Variants in PLEKHM2 observed in about 807,000 individuals in gnomAD.
PLEKHM2 encodes the protein pleckstrin homology and RUN domain containing M2.
A neutral mutation model predicts 116.3 loss-of-function variants in PLEKHM2; 77 were observed. That is an observed-to-expected ratio of 0.66 (90% CI 0.55 to 0.80). The LOEUF (loss-of-function observed/expected upper bound fraction) is 0.80, where lower values mean the gene tolerates loss of function less well. Ranked by LOEUF, PLEKHM2 falls within the 30% of genes least tolerant of loss-of-function variation. PLEKHM2 has a pLI of 0.00. For missense variants in PLEKHM2, 1,183 were observed against 1,354.9 expected (o/e 0.87, Z 1.99); for synonymous variants, 562 against 571.0 (o/e 0.98, Z 0.22).
Position 15,729,691 on chromosome 1 carries a change from CCCAA to C in PLEKHM2, c.2076-105_2076-102del. 9.7e-7 allele frequency: 1 copy of C among 1,026,344 alleles called. No individual in the cohort carries two copies. Among genetic ancestry groups the C allele is most frequent in the Non-Finnish European group, 1.4e-6 (1 of 699,612 alleles). The allele number at this position is 1,026,344 out of a possible 1,614,324, so 63.6% of individuals were successfully genotyped here. A position where few individuals can be genotyped will look rare whatever the true frequency, so the allele number is the denominator to read the frequency against. ...TCACTGGGTCTAGCCAGGTCTCTCC[CCCAA>C]GTTTCTGTGACCCCTCCAGGCCAGC... On this transcript the variant is annotated intron_variant, in intron 13 of 19. Coordinates refer to ENST00000375799, the MANE Select transcript of PLEKHM2 (RefSeq NM_015164.4). The surrounding 1 kb of genome is among the most constrained non-coding windows in gnomAD (Gnocchi z 4.7).
chr1:15,707,238 A>G (rs934725528), intron 1 of PLEKHM2, among the ~76,000 whole-genome samples: 1 of 151,052 alleles, frequency 6.6e-6, no homozygotes, highest in African/African-American at 2.5e-5. Context: ...CCTAGACAAC[A>G]TAGCAAAACT....
chr1:15,714,993 G>A (rs1181015419), intron 1 of PLEKHM2, among the ~76,000 whole-genome samples: 1 of 152,212 alleles, frequency 6.6e-6, no homozygotes, highest in East Asian at 1.9e-4. Flanking sequence ...TCACCAGCCT[G>A]GTGGGGTTTG....
intron 1 of PLEKHM2, among the ~76,000 whole-genome samples, chr1:15,698,500 C>G (rs913686706): frequency 1.3e-4 from 20 of 151,174 alleles, no homozygotes; most frequent in African/African-American, 4.6e-4. Context: ...CCACCACTCC[C>G]AGCCAACAGC....
intron 5 of PLEKHM2, 41 bp downstream of exon 5, chr1:15,718,666 A>AGGGGGCAGGGT (rs1553160070): frequency 2.3e-5 from 3 of 130,478 alleles, no homozygotes; most frequent in Admixed American, 3.1e-4. Context: ...GAAGCAGAGG[A>AGGGGGCAGGGT]GGGGGCAGGG....
chr1:15,729,760 C>A lies in PLEKHM2; in HGVS notation c.2076-37C>A. The A allele has an allele frequency of 6.3e-7, 1 of 1,581,814 alleles. No homozygotes were observed. Among genetic ancestry groups the A allele is most frequent in the South Asian group, 1.2e-5 (1 of 86,540 alleles). On this transcript the variant is annotated intron_variant, in intron 13 of 19. Transcript: ENST00000375799. The surrounding 1 kb of genome is among the most constrained non-coding windows in gnomAD (Gnocchi z 4.7). ...AGCCCTGTCCAGTTGAGGCCCTGTT[C>A]CCAGGCCTCTAACCACAAACCTCAC...
chr1:15,682,652 C>CAAAAAACAAA (rs1557634394), upstream of PLEKHM2, among the ~76,000 whole-genome samples: 2 of 71,818 alleles, frequency 2.8e-5, no homozygotes, highest in African/African-American at 2.5e-4. Flanking sequence ...ACAAAAAAAA[C>CAAAAAACAAA]AAAAAACAAA....
At position 15,727,534 on chromosome 1, in the gene PLEKHM2, G is replaced by C; in HGVS notation, c.1462G>C (p.Gly488Arg). ...CGGCCACCATGACCCTGCAGGGCTT[G>C]GCCAACCGCTGCATGTTCCTAGTAG... ...GGGHHDPAGLGQPLHVPSSPE... is the reference protein window; with the variant it reads ...GGGHHDPAGLRQPLHVPSSPE... The change falls in exon 9 of 20, where the codon GGC becomes CGC. Residue 488 changes from glycine (G) to arginine (R), a missense_variant. Coordinates refer to ENST00000375799, the MANE Select transcript of PLEKHM2 (RefSeq NM_015164.4). The surrounding 1 kb of genome is among the most constrained non-coding windows in gnomAD (Gnocchi z 7.5). The C allele has an allele frequency of 6.3e-7, 1 of 1,576,858 alleles. No homozygotes were observed. Among genetic ancestry groups the C allele is most frequent in the Non-Finnish European group, 8.6e-7 (1 of 1,161,972 alleles).
In PLEKHM2 at chr1:15,717,983, A is replaced by G; in HGVS notation, c.368A>G (p.Tyr123Cys). The G allele has an allele frequency of 6.3e-7, 1 of 1,586,512 alleles. No individual in the cohort carries two copies. The highest frequency in any genetic ancestry group is 1.1e-5 in the South Asian group (1 of 87,240). The change falls in exon 4 of 20, where the codon TAC (tyrosine) becomes TGC (cysteine). Residue 123 changes from tyrosine (Y) to cysteine (C), a missense_variant. Around this residue, in one of 3 missense-constraint regions of PLEKHM2, gnomAD observed 217 missense variants for 277.6 expected, o/e 0.78. Transcript: ENST00000375799. ...GAGAACCTGGGCCTGCTGCATAAGT[A>G]CTACGTCAAGTGAGTGTCTGGGACG... is the stretch of plus-strand genomic sequence containing the variant. The part of the protein sequence containing the change: ...FQENLGLLHK[Y>C]YVKNALVCSH...
intron 1 of PLEKHM2, among the ~76,000 whole-genome samples, chr1:15,712,672 A>G (rs529181216): frequency 6.7e-6 from 1 of 149,866 alleles, no homozygotes; most frequent in Non-Finnish European, 1.5e-5. Flanking sequence ...TTTTGAGACA[A>G]GTTCTTGCTC....
rs1179824988 is a variant in PLEKHM2, at chr1:15,728,160, G to A, written c.1830+12G>A. 1.2e-6 allele frequency: 2 copies of A among 1,609,930 alleles called. No individual in the cohort carries two copies. Among genetic ancestry groups the A allele is most frequent in the African/African-American group, 2.7e-5 (2 of 74,858 alleles). ...AGCAGCTGTTCAAAGTAAGTCCTAGGAACTCAGGAGTGAGCAAGAGACGGC... is the reference window on the plus strand; with the variant it reads ...AGCAGCTGTTCAAAGTAAGTCCTAGAAACTCAGGAGTGAGCAAGAGACGGC... On this transcript the variant is annotated intron_variant, in intron 10 of 19. Transcript: ENST00000375799. The surrounding 1 kb of genome is among the most constrained non-coding windows in gnomAD (Gnocchi z 5.9).
rs1302127891 is a variant in PLEKHM2, at chr1:15,732,448, C to T, written c.2724C>T (p.Ser908=). 27 of 1,596,614 alleles carry T rather than the reference C, an allele frequency of 1.7e-5. No individual in the cohort carries two copies. The highest frequency in any genetic ancestry group is 2.0e-5 in the Non-Finnish European group (24 of 1,172,070). ...LFTCHEDCQT[S]FFRSLGTAKL... The stretch of plus-strand genomic sequence containing the variant: ...CGTGCCATGAGGATTGCCAGACCAG[C>T]TTCTTCCGCTCTTTGGGCACAGCCA... The change falls in exon 18 of 20, where the codon AGC becomes AGT. Residue 908 remains serine (S), a synonymous_variant. Transcript: ENST00000375799.
chr1:15,690,536 G>A (rs986874370), intron 1 of PLEKHM2, among the ~76,000 whole-genome samples: 8 of 152,166 alleles, frequency 5.3e-5, no homozygotes, highest in African/African-American at 1.7e-4. Context: ...ACAAAAATAG[G>A]TATCAGGCTG....
intron 8 of PLEKHM2, chr1:15,725,930 T>C: frequency 4.4e-6 from 1 of 225,192 alleles, no homozygotes; most frequent in Admixed American, 5.2e-5. Context: ...ATGAGGGTGC[T>C]GATCCCATTC....
At chr1:15,718,664 G>A in intron 5 of PLEKHM2, 39 bp downstream of exon 5, 1 of 1,117,918 alleles carries the variant, frequency 8.9e-7, no homozygotes, top group East Asian at 2.6e-5. Context: ...GGGAAGCAGA[G>A]GAGGGGGCAG....
intron 8 of PLEKHM2, among the ~76,000 whole-genome samples, chr1:15,726,800 C>A (rs2068068201): frequency 6.6e-6 from 1 of 152,164 alleles, no homozygotes; most frequent in Non-Finnish European, 1.5e-5. Flanking sequence ...CATGCTACCC[C>A]CACCCCGCCC....
chr1:15,704,350 T>G (rs1335965477), intron 1 of PLEKHM2, among the ~76,000 whole-genome samples: 2 of 144,966 alleles, frequency 1.4e-5, no homozygotes, highest in African/African-American at 5.0e-5. Flanking sequence ...CTCTCTGTTC[T>G]TCCACTTCCC....
At chr1:15,692,778 T>TA (rs1393106899) in intron 1 of PLEKHM2, among the ~76,000 whole-genome samples, 2 of 152,084 alleles carry the variant, frequency 1.3e-5, no homozygotes, top group Admixed American at 1.3e-4. Context: ...TTGCTCTTGT[T>TA]ACTCAGGCTG....
rs1468430046 is a variant in PLEKHM2, at chr1:15,719,683, G to T, written c.466-51G>T. On this transcript the variant is annotated intron_variant, in intron 5 of 19. Coordinates refer to ENST00000375799, the MANE Select transcript of PLEKHM2 (RefSeq NM_015164.4). This position sits in a 1 kb window ranked among gnomAD's most constrained non-coding sequence, Gnocchi z 4.1. Reference sequence around the variant, plus strand: ...GCCTGGATCCTGCTGTCTGCAGAAGGCCGCTGCACGAGGCCTCCCACCAAA... The same window carrying T: ...GCCTGGATCCTGCTGTCTGCAGAAGTCCGCTGCACGAGGCCTCCCACCAAA... 1.5e-6 allele frequency: 2 copies of T among 1,314,702 alleles called. No individual in the cohort carries two copies. Among genetic ancestry groups the T allele is most frequent in the Middle Eastern group, 1.8e-4 (1 of 5,416 alleles). 81.4% of individuals were successfully genotyped at this position (1,314,702 alleles called of 1,614,324 possible). A position where few individuals can be genotyped will look rare whatever the true frequency, so the allele number is the denominator to read the frequency against.
chr1:15,712,331 T>C (rs1283098468), intron 1 of PLEKHM2, among the ~76,000 whole-genome samples: 1 of 152,174 alleles, frequency 6.6e-6, no homozygotes, highest in East Asian at 1.9e-4. Context: ...ACTAATTATA[T>C]GCAGTGTTGG....
Sources: allele counts gnomAD v4.1 joint callset (sites outside exome capture counted in the v4.1 genomes callset), GRCh38; gene constraint gnomAD v4.1.1; regional missense constraint gnomAD v4.1.1; non-coding constraint Gnocchi (gnomAD v3.1); transcripts MANE v1.5; gene names NCBI Gene and HGNC (gene_info 2026-07-23, HGNC 2026-07-21).